Variants in ADGRA2 observed in about 807,000 individuals in gnomAD.
ADGRA2 encodes the protein adhesion G protein-coupled receptor A2, also known as G-protein coupled receptor 124.
In ADGRA2, 61 loss-of-function variants were observed where a neutral mutation model predicts 98.7. That is an observed-to-expected ratio of 0.62 (90% CI 0.50 to 0.76). The LOEUF (loss-of-function observed/expected upper bound fraction) is 0.76. ADGRA2 is among the 30% of genes least tolerant of loss of function. ADGRA2 has a pLI of 0.00. For missense variants in ADGRA2, 1,712 were observed against 1,860.0 expected (o/e 0.92, Z 1.46); for synonymous variants, 858 against 831.5 (o/e 1.03, Z -0.55).
Position 37,840,862 on chromosome 8 carries a change from C to CCCCCCCCCCCCCCA in ADGRA2, c.2747+15_2747+16insCCCCCCCCCCCACC. The CCCCCCCCCCCCCCA allele has an allele frequency of 7.2e-7, 1 of 1,396,022 alleles. No homozygotes were observed. The highest frequency in any genetic ancestry group is 1.0e-6 in the Non-Finnish European group (1 of 986,878). 86.5% of individuals were successfully genotyped at this position (1,396,022 alleles called of 1,614,324 possible). ...ACCACAGCCCCTAGTGAGCACCCCTCCCTCCCGCCCCAAGCCTACCTACCT... is the reference window on the plus strand; with the variant it reads ...ACCACAGCCCCTAGTGAGCACCCCTCCCCCCCCCCCCCCACCTCCCGCCCCAAGCCTACCTACCT... On this transcript the variant is annotated intron_variant, in intron 18 of 18. Coordinates refer to ENST00000412232, the MANE Select transcript of ADGRA2 (RefSeq NM_032777.10).
chr8:37,838,999 G>A lies in ADGRA2; in HGVS notation c.2303G>A (p.Gly768Glu), dbSNP rs1206069658. 1 of 1,595,138 alleles carries A rather than the reference G, an allele frequency of 6.3e-7. No homozygotes were observed. Among genetic ancestry groups the A allele is most frequent in the Non-Finnish European group, 8.5e-7 (1 of 1,170,270 alleles). ...AGGGAGGTGGGGGGCGCCGGGGCAG[G>A]GCTGCACCCCGTGGTATACCCCTGC... ...FPREVGGAGA[G>E]LHPVVYPCTA... Residue 768 changes from glycine to glutamate, a missense_variant, in exon 15 of 19, where the codon GGG becomes GAG. By Grantham distance (98) the Gly-to-Glu change is moderately conservative. Transcript: ENST00000412232.
intron 1 of ADGRA2, among the ~76,000 whole-genome samples, chr8:37,799,644 C>T (rs1265967932): frequency 6.6e-6 from 1 of 152,156 alleles, no homozygotes; most frequent in Non-Finnish European, 1.5e-5. Flanking sequence ...GGTAAGAATA[C>T]ATTAGAACCG....
At chr8:37,821,834 T>C (rs1805134859) in intron 2 of ADGRA2, among the ~76,000 whole-genome samples, 2 of 152,170 alleles carry the variant, frequency 1.3e-5, no homozygotes, top group Non-Finnish European at 2.9e-5. Flanking sequence ...CAGATGCTCA[T>C]GGGAACGAAC....
At position 37,830,865 on chromosome 8, in the gene ADGRA2, G is replaced by A. The variant is rs989427803; in HGVS notation, c.874G>A (p.Glu292Lys). ...CAACCGAGCCCCTGTGGAGGGTGAT[G>A]AGCAGGCGGGCATCCTCCTGGCCGA... The part of the protein sequence containing the change: ...YHNRAPVEGD[E>K]QAGILLAESL... The change falls in exon 7 of 19, where the codon GAG becomes AAG. Residue 292 changes from glutamate (E) to lysine (K), a missense_variant. Physicochemically the swap from Glu to Lys is moderately conservative, Grantham distance 56. Coordinates refer to ENST00000412232, the MANE Select transcript of ADGRA2 (RefSeq NM_032777.10). The surrounding 1 kb of genome is among the most constrained non-coding windows in gnomAD (Gnocchi z 4.8). The A allele has an allele frequency of 5.6e-6, 9 of 1,594,208 alleles. No homozygotes were observed. The highest frequency in any genetic ancestry group is 7.7e-6 in the Non-Finnish European group (9 of 1,170,496).
chr8:37,799,178 C>T (rs55856822), intron 1 of ADGRA2, among the ~76,000 whole-genome samples: 37,771 of 151,960 alleles, frequency 0.25, 4,990 homozygotes, highest in East Asian at 0.4. Context: ...AGTTCGAGAC[C>T]AGCCTGACCA....
intron 1 of ADGRA2, among the ~76,000 whole-genome samples, chr8:37,799,373 T>TA (rs745339505): frequency 0.011 from 1,348 of 124,246 alleles, 6 homozygotes; most frequent in Middle Eastern, 0.02. Flanking sequence ...AGACTCCGTA[T>TA]AAAAAAAAAA....
At chr8:37,836,577 C>T (rs1259240401) in intron 13 of ADGRA2, among the ~76,000 whole-genome samples, 1 of 152,156 alleles carries the variant, frequency 6.6e-6, no homozygotes, top group African/African-American at 2.4e-5. Context: ...CCCACACCTG[C>T]CTTCTTTCTG....
chr8:37,800,764 C>A (rs1005348206), intron 1 of ADGRA2, among the ~76,000 whole-genome samples: 4 of 152,306 alleles, frequency 2.6e-5, no homozygotes, highest in African/African-American at 9.6e-5. Flanking sequence ...GAGAGCCGCC[C>A]CACACAAATG....
intron 1 of ADGRA2, among the ~76,000 whole-genome samples, chr8:37,808,446 G>A (rs1456305887): frequency 6.6e-6 from 1 of 152,186 alleles, no homozygotes; most frequent in Non-Finnish European, 1.5e-5. Flanking sequence ...GTTGGATGGA[G>A]CTGTGGGTCC....
rs751427150 is a variant in ADGRA2, at chr8:37,841,050, C to T, written c.2748-36C>T. Reference sequence around the variant, plus strand: ...GCCCCCAGCCCCACCCCAGCCATGCCCCCTGTCCTCATCACTGCTTCTGTG... The same window carrying T: ...GCCCCCAGCCCCACCCCAGCCATGCTCCCTGTCCTCATCACTGCTTCTGTG... On this transcript the variant is annotated intron_variant, in intron 18 of 18. Transcript: ENST00000412232. The surrounding 1 kb of genome is among the most constrained non-coding windows in gnomAD (Gnocchi z 5.0). 11 of 1,565,874 alleles carry T rather than the reference C, an allele frequency of 7.0e-6. No homozygotes were observed. Among genetic ancestry groups the T allele is most frequent in the Admixed American group, 1.7e-5 (1 of 58,006 alleles).
At position 37,797,223 on chromosome 8, in the gene ADGRA2, C is replaced by T; in HGVS notation, c.-46C>T. The T allele has an allele frequency of 8.3e-7, 1 of 1,200,282 alleles. No individual in the cohort carries two copies. Among genetic ancestry groups the T allele is most frequent in the African/African-American group, 1.6e-5 (1 of 63,010 alleles). 74.4% of individuals were successfully genotyped at this position (1,200,282 alleles called of 1,614,324 possible). On this transcript the variant is annotated 5_prime_UTR_variant, in exon 1 of 19. Transcript: ENST00000412232. This position sits in a 1 kb window ranked among gnomAD's most constrained non-coding sequence, Gnocchi z 5.3. The stretch of plus-strand genomic sequence containing the variant: ...CACGCCTGGGTCCCTCCGGCCGGCG[C>T]GCAGCCCGGCCCCAGCGCTGTGGGT...
At chr8:37,828,845 C>T in intron 2 of ADGRA2, 43 bp from the exon 3 acceptor site, 4 of 1,531,784 alleles carry the variant, frequency 2.6e-6, no homozygotes, top group Non-Finnish European at 3.5e-6. Context: ...CAGGGCGGCT[C>T]CAGCGGGGAG....
At position 37,838,957 on chromosome 8, in the gene ADGRA2, A is replaced by G. The variant is rs755243275; in HGVS notation, c.2261A>G (p.Glu754Gly). ...GTCCTCCTTCCTGCCCTTTCCCAGGAGCTGAGCGCCTTTCCCAGGGAGGTG... is the reference window on the plus strand; with the variant it reads ...GTCCTCCTTCCTGCCCTTTCCCAGGGGCTGAGCGCCTTTCCCAGGGAGGTG... Reference protein sequence around the residue: ...QHLGNVAVLMELSAFPREVGG... With the variant: ...QHLGNVAVLMGLSAFPREVGG... Residue 754 changes from glutamate to glycine, a missense_variant and splice_region_variant, in exon 15 of 19, where the codon GAG (glutamate) becomes GGG (glycine). Transcript: ENST00000412232. 2 of 1,564,382 alleles carry G rather than the reference A, an allele frequency of 1.3e-6. No individual in the cohort carries two copies. Among genetic ancestry groups the G allele is most frequent in the South Asian group, 1.2e-5 (1 of 82,310 alleles).
Position 37,814,413 on chromosome 8 carries a change from G to A in ADGRA2, c.267-483G>A, listed in dbSNP as rs1804922188. Among the ~76,000 whole-genome samples, 2 of 152,212 alleles carry A rather than the reference G, an allele frequency of 1.3e-5. No homozygotes were observed. Among genetic ancestry groups the A allele is most frequent in the African/African-American group, 4.8e-5 (2 of 41,468 alleles). On this transcript the variant is annotated intron_variant, in intron 1 of 18. Transcript: ENST00000412232. The surrounding 1 kb of genome is among the most constrained non-coding windows in gnomAD (Gnocchi z 4.3). ...TGAGGTCCTTCGCTCACAGGTGAGAGTGTGCGAGCCTCCGAGGAAGGGCAG... is the reference window on the plus strand; with the variant it reads ...TGAGGTCCTTCGCTCACAGGTGAGAATGTGCGAGCCTCCGAGGAAGGGCAG...
intron 16 of ADGRA2, 64 bp downstream of exon 16, chr8:37,839,686 G>A: frequency 1.9e-6 from 3 of 1,577,828 alleles, no homozygotes; most frequent in Non-Finnish European, 2.6e-6. Context: ...TAGGCATAGA[G>A]TGGGGTGATG....
At chr8:37,820,507 A>G (rs1474837393) in intron 2 of ADGRA2, among the ~76,000 whole-genome samples, 1 of 152,234 alleles carries the variant, frequency 6.6e-6, no homozygotes, top group Admixed American at 6.5e-5. Flanking sequence ...CATCAGGAAT[A>G]AGACTCCATG....
At chr8:37,839,992 T>A in intron 16 of ADGRA2, 129 bp from the exon 17 acceptor site, 1 of 802,354 alleles carries the variant, frequency 1.2e-6, no homozygotes, top group Non-Finnish European at 1.9e-6. Context: ...GTATGGGGAG[T>A]GGGCTGGGTA....
In ADGRA2 at chr8:37,842,795, G is replaced by A. The variant is rs1013979860; in HGVS notation, c.*440G>A. The A allele has an allele frequency of 7.4e-5, 12 of 161,238 alleles. No homozygotes were observed. Among genetic ancestry groups the A allele is most frequent in the Admixed American group, 3.2e-4 (5 of 15,498 alleles). The allele number at this position is 161,238 out of a possible 1,614,324, so 10.0% of individuals were successfully genotyped here. ...CTCTACTGATTTCAGCCCAGCCCCTGCCTAGATCCTAGGTCCCTTTTCCTC... is the reference window on the plus strand; with the variant it reads ...CTCTACTGATTTCAGCCCAGCCCCTACCTAGATCCTAGGTCCCTTTTCCTC... On this transcript the variant is annotated 3_prime_UTR_variant, in exon 19 of 19. Transcript: ENST00000412232.
Position 37,814,795 on chromosome 8 carries a change from G to A in ADGRA2, c.267-101G>A. The A allele has an allele frequency of 1.2e-6, 1 of 816,002 alleles. No individual in the cohort carries two copies. The highest frequency in any genetic ancestry group is 1.4e-5 in the South Asian group (1 of 69,546). The allele number at this position is 816,002 out of a possible 1,614,324, so 50.5% of individuals were successfully genotyped here. On this transcript the variant is annotated intron_variant, in intron 1 of 18. Transcript: ENST00000412232. The surrounding 1 kb of genome is among the most constrained non-coding windows in gnomAD (Gnocchi z 4.3). ...CTGCTGCCTCGCACAACTCCAGGGGGCGCCATTGACAAAGATGCAAGCTGG... is the reference window on the plus strand; with the variant it reads ...CTGCTGCCTCGCACAACTCCAGGGGACGCCATTGACAAAGATGCAAGCTGG...
Sources: allele counts gnomAD v4.1 joint callset (sites outside exome capture counted in the v4.1 genomes callset), GRCh38; gene constraint gnomAD v4.1.1; non-coding constraint Gnocchi (gnomAD v3.1); transcripts MANE v1.5; gene names NCBI Gene and HGNC (gene_info 2026-07-23, HGNC 2026-07-21).